Variants in PCDHGA8 observed in about 807,000 individuals in gnomAD.
PCDHGA8 encodes the protein protocadherin gamma-A8.
Under a neutral mutation model 59.2 loss-of-function variants are expected in PCDHGA8, and 45 were observed. The ratio of observed to expected loss-of-function variants is 0.76; its 90% CI spans 0.60 to 0.98. PCDHGA8 has a LOEUF of 0.98. PCDHGA8 is among the 50% of genes least tolerant of loss of function. The pLI is 0.00. For missense variants in PCDHGA8, 1,257 were observed against 1,196.2 expected, an observed-to-expected ratio of 1.05 and a Z score of -0.75; for synonymous variants, 531 against 519.0, an observed-to-expected ratio of 1.02 and a Z score of -0.32.
Position 141,393,029 on chromosome 5 carries a change from G to A in PCDHGA8, c.216G>A (p.Thr72=). ...HGVRIVSRGR[T]QLFALNPRSG... is the part of the protein sequence containing the mutation. ...TCCGTATCGTCTCCAGAGGTAGGAC[G>A]CAGCTCTTTGCTCTGAACCCGCGCA... The change falls in exon 1 of 4, where the codon ACG becomes ACA. Residue 72 remains threonine, a synonymous_variant. Coordinates refer to ENST00000398604, the MANE Select transcript of PCDHGA8 (RefSeq NM_032088.2). 6.2e-7 allele frequency: 1 copy of A among 1,613,754 alleles called. No homozygotes were observed. The highest frequency in any genetic ancestry group is 8.5e-7 in the Non-Finnish European group (1 of 1,179,864).
Position 141,420,946 on chromosome 5 carries a change from A to G in PCDHGA8, c.2424+25709A>G, listed in dbSNP as rs1561791007. 5 of 400,268 alleles carry G rather than the reference A, an allele frequency of 1.2e-5. No homozygotes were observed. In the East Asian group the frequency reaches 1.7e-4, roughly 14 times the overall value. The allele number at this position is 400,268 out of a possible 1,614,324, so 24.8% of individuals were successfully genotyped here. A position where few individuals can be genotyped will look rare whatever the true frequency, so the allele number is the denominator to read the frequency against. ...AGGTGAGCGTAATCATTTCTTCTGG[A>G]ATTTCTTAGTCGTTGCAATAATAAG... On this transcript the variant is annotated intron_variant, in intron 1 of 3. Coordinates refer to ENST00000398604, the MANE Select transcript of PCDHGA8 (RefSeq NM_032088.2).
At chr5:141,470,694 A>T (rs763715272) in intron 1 of PCDHGA8, among the ~76,000 whole-genome samples, 1 of 151,978 alleles carries the variant, frequency 6.6e-6, no homozygotes, top group African/African-American at 2.4e-5. Flanking sequence ...GAAATTCTTA[A>T]TAATTTTTAT....
intron 1 of PCDHGA8, chr5:141,408,742 A>G: frequency 6.2e-7 from 1 of 1,610,074 alleles, no homozygotes; most frequent in Non-Finnish European, 8.5e-7. Flanking sequence ...ATTTTTCATT[A>G]ATGGTTAGAG....
At chr5:141,419,640 T>C (rs2096410171) in intron 1 of PCDHGA8, 2 of 1,612,532 alleles carry the variant, frequency 1.2e-6, no homozygotes. Context: ...GTGGTGGCCG[T>C]GGACGCGGAC....
chr5:141,455,448 C>T (rs1403500578), intron 1 of PCDHGA8, among the ~76,000 whole-genome samples: 1 of 152,112 alleles, frequency 6.6e-6, no homozygotes, highest in African/African-American at 2.4e-5. Context: ...CCATCTACCG[C>T]GGATACCAGC....
Position 141,431,248 on chromosome 5 carries a change from G to A in PCDHGA8, c.2424+36011G>A. ...CCCACGCCTGGGATCCGGATATCGGGAAGAACTCTCTGCAGAGCTACGAGC... is the reference window on the plus strand; with the variant it reads ...CCCACGCCTGGGATCCGGATATCGGAAAGAACTCTCTGCAGAGCTACGAGC... On this transcript the variant is annotated intron_variant, in intron 1 of 3. Transcript: ENST00000398604. This position sits in a 1 kb window ranked among gnomAD's most constrained non-coding sequence, Gnocchi z 4.8. 2 of 1,614,140 alleles carry A rather than the reference G, an allele frequency of 1.2e-6. No homozygotes were observed. Among genetic ancestry groups the A allele is most frequent in the Non-Finnish European group, 1.7e-6 (2 of 1,180,048 alleles).
chr5:141,404,907 C>T (rs2094582940), intron 1 of PCDHGA8: 1 of 1,613,890 alleles, frequency 6.2e-7, no homozygotes. Context: ...CATGGCCAGC[C>T]CCCTCTCTCG....
At chr5:141,456,058 C>T (rs1488082918) in intron 1 of PCDHGA8, among the ~76,000 whole-genome samples, 3 of 151,880 alleles carry the variant, frequency 2.0e-5, no homozygotes, top group Admixed American at 6.6e-5. Context: ...CCACCACGTC[C>T]GGCTAATTTT....
Position 141,427,885 on chromosome 5 carries a change from ACCAGGGCTCGC to A in PCDHGA8, c.2424+32651_2424+32661del, listed in dbSNP as rs772694818. 4 of 1,565,134 alleles carry A rather than the reference ACCAGGGCTCGC, an allele frequency of 2.6e-6. No homozygotes were observed. In the East Asian group the frequency reaches 6.7e-5, roughly 26 times the overall value. ...TTCGAGCTCACGATGCAGGCCCACGACCAGGGCTCGCCCGCGCTCAGCGCCAACATGAGCCG... is the reference window on the plus strand; with the variant it reads ...TTCGAGCTCACGATGCAGGCCCACGACCGCGCTCAGCGCCAACATGAGCCG... On this transcript the variant is annotated intron_variant, in intron 1 of 3. Coordinates refer to ENST00000398604, the MANE Select transcript of PCDHGA8 (RefSeq NM_032088.2).
chr5:141,417,940 C>T (rs757819377), intron 1 of PCDHGA8: 2 of 1,613,054 alleles, frequency 1.2e-6, no homozygotes, highest in South Asian at 1.1e-5. Context: ...TGTTCTACCC[C>T]ACGCTGTGTG....
At chr5:141,422,044 G>A (rs780284162) in intron 1 of PCDHGA8, 1 of 1,611,530 alleles carries the variant, frequency 6.2e-7, no homozygotes, top group Non-Finnish European at 8.5e-7. Flanking sequence ...TCCAGACGAG[G>A]GAATCAACGG....
In PCDHGA8 at chr5:141,490,499, A is replaced by G. The variant is rs1269710790; in HGVS notation, c.2425-4308A>G. On this transcript the variant is annotated intron_variant, in intron 1 of 3. Coordinates refer to ENST00000398604, the MANE Select transcript of PCDHGA8 (RefSeq NM_032088.2). The surrounding 1 kb of genome is among the most constrained non-coding windows in gnomAD (Gnocchi z 5.4). ...TTGGACCGGGAGGCCACATCCCACT[A>G]TATCATCGAGCTGCTGGCCAGCGAT... 1.2e-6 allele frequency: 2 copies of G among 1,614,148 alleles called. No homozygotes were observed. Among genetic ancestry groups the G allele is most frequent in the Non-Finnish European group, 8.5e-7 (1 of 1,180,020 alleles).
intron 1 of PCDHGA8, chr5:141,413,586 C>G (rs2095657085): frequency 2.5e-6 from 4 of 1,613,724 alleles, no homozygotes; most frequent in Admixed American, 1.7e-5. Context: ...CTCCAAAATT[C>G]CAAGCAGAAA....
intron 2 of PCDHGA8, among the ~76,000 whole-genome samples, chr5:141,499,689 CTTTTT>C (rs545067566): frequency 3.3e-5 from 4 of 119,852 alleles, no homozygotes; most frequent in Non-Finnish European, 3.5e-5. Flanking sequence ...TAACAGATGA[CTTTTT>C]TTTTTTTTTT....
At chr5:141,433,869 T>C (rs1293077938) in intron 1 of PCDHGA8, among the ~76,000 whole-genome samples, 8 of 151,960 alleles carry the variant, frequency 5.3e-5, no homozygotes, top group Non-Finnish European at 7.4e-5. Flanking sequence ...TATCCTCTAG[T>C]TTCATCCATT....
At chr5:141,406,859 TC>T (rs1171504234) in intron 1 of PCDHGA8, among the ~76,000 whole-genome samples, 1 of 152,252 alleles carries the variant, frequency 6.6e-6, no homozygotes, top group African/African-American at 2.4e-5. Flanking sequence ...AAGAAAATAT[TC>T]TCAGGAACTG....
chr5:141,411,017 A>T lies in PCDHGA8; in HGVS notation c.2424+15780A>T, dbSNP rs140607036. ...TACTGGTGCCCCTCACCACAGCTAA[A>T]TTTTTTGTATTTTTAGTAGACATGG... On this transcript the variant is annotated intron_variant, in intron 1 of 3. Transcript: ENST00000398604. 3.9e-3 allele frequency: 631 copies of T among 162,486 alleles called. 5 individuals are homozygous for T. Among genetic ancestry groups the T allele is most frequent in the Admixed American group, 0.011 (172 of 16,000 alleles). 10.1% of individuals were successfully genotyped at this position (162,486 alleles called of 1,614,324 possible).
At position 141,392,857 on chromosome 5, in the gene PCDHGA8, T is replaced by TGCTGTGC; in HGVS notation, c.47_53dup (p.Leu19ValfsTer31). The TGCTGTGC allele has an allele frequency of 6.2e-7, 1 of 1,612,536 alleles. No individual in the cohort carries two copies. Among genetic ancestry groups the TGCTGTGC allele is most frequent in the Non-Finnish European group, 8.5e-7 (1 of 1,179,450 alleles). On this transcript the variant is annotated frameshift_variant, in exon 1 of 4. Transcript: ENST00000398604. LOFTEE classifies it high-confidence loss of function. ...CGCCCCAGACGCGGCGAGCTGATCC[T>TGCTGTGC]GCTGTGCGCGCTGCTGGGAACGCTG...
intron 1 of PCDHGA8, chr5:141,419,440 C>T (rs368129873): frequency 1.9e-6 from 3 of 1,613,034 alleles, no homozygotes; most frequent in African/African-American, 2.7e-5. Context: ...AGCTGCGCAC[C>T]TTCGAGCTCA....
Sources: allele counts gnomAD v4.1 joint callset (sites outside exome capture counted in the v4.1 genomes callset), GRCh38; gene constraint gnomAD v4.1.1; non-coding constraint Gnocchi (gnomAD v3.1); transcripts MANE v1.5; gene names NCBI Gene and HGNC (gene_info 2026-07-23, HGNC 2026-07-21).